The following DHRSX variants were observed in gnomAD, a reference collection of about 807,000 sequenced individuals.
DHRSX encodes the protein polyprenol dehydrogenase.
Under a neutral mutation model 34.0 loss-of-function variants are expected in DHRSX, and 31 were observed. The observed-to-expected ratio is 0.91, with a 90% CI of 0.69 to 1.23. The LOEUF is 1.23. Ranked by LOEUF, DHRSX falls within the 50% of genes most tolerant of loss-of-function variation. DHRSX has a pLI of 0.00. For missense variants in DHRSX, 414 were observed against 428.1 expected (o/e 0.97, Z 0.29); for synonymous variants, 201 against 183.8 (o/e 1.09, Z -0.76).
intron 6 of DHRSX, among the ~76,000 whole-genome samples, chrX:2,240,063 T>C (rs186432441): frequency 1.0e-3 from 153 of 151,488 alleles, no homozygotes; most frequent in African/African-American, 3.5e-3. Context: ...AAGGCCGAGG[T>C]GGGCGGATCA....
intron 3 of DHRSX, among the ~76,000 whole-genome samples, chrX:2,304,160 G>T (rs1262348383): frequency 2.1e-5 from 3 of 145,840 alleles, no homozygotes; most frequent in East Asian, 4.2e-4. Context: ...TGGATGGATG[G>T]ATGGATGAAC....
At chrX:2,429,184 T>C (rs1231110112) in intron 1 of DHRSX, among the ~76,000 whole-genome samples, 2 of 152,134 alleles carry the variant, frequency 1.3e-5, no homozygotes, top group Non-Finnish European at 2.9e-5. Flanking sequence ...TTGCAAATAC[T>C]ATATGTAGTA....
rs1369777572 is a variant in DHRSX, at chrX:2,467,222, G to T, written c.109+33595C>A. ...ACGACGCCAACTTGAGTGTGAGAAGGATTCCTTTCTACGTAGAAGGTGCAT... is the reference window on the plus strand; with the variant it reads ...ACGACGCCAACTTGAGTGTGAGAAGTATTCCTTTCTACGTAGAAGGTGCAT... On this transcript the variant is annotated intron_variant, in intron 1 of 6. Transcript: ENST00000334651. 2.0e-5 allele frequency among the ~76,000 whole-genome samples: 3 copies of T among 152,074 alleles called. No homozygotes were observed. The East Asian group carries it at 5.8e-4, about 29-fold the overall frequency.
chrX:2,287,778 A>G (rs1454327555), intron 4 of DHRSX, among the ~76,000 whole-genome samples: 1 of 152,214 alleles, frequency 6.6e-6, no homozygotes, highest in Non-Finnish European at 1.5e-5. Flanking sequence ...AAACAGAATA[A>G]TGGCCCCAAA....
chrX:2,457,897 G>A lies in DHRSX; in HGVS notation c.110-32593C>T, dbSNP rs893343736. On this transcript the variant is annotated intron_variant, in intron 1 of 6. Coordinates refer to ENST00000334651, the MANE Select transcript of DHRSX (RefSeq NM_145177.3). ...TAAGAAAGCAGCCAAGAGACGGCAGGGAATATGTTCCGTAAGCATGTAGCC... is the reference window on the plus strand; with the variant it reads ...TAAGAAAGCAGCCAAGAGACGGCAGAGAATATGTTCCGTAAGCATGTAGCC... Among the ~76,000 whole-genome samples the A allele has an allele frequency of 1.7e-4, 26 of 150,022 alleles. 1 individual carries two copies. In the South Asian group the frequency reaches 3.8e-3, roughly 22 times the overall value.
intron 3 of DHRSX, among the ~76,000 whole-genome samples, chrX:2,389,909 G>A (rs766022574): frequency 6.6e-6 from 1 of 151,970 alleles, no homozygotes; most frequent in African/African-American, 2.4e-5. Flanking sequence ...GCCTCCCGAG[G>A]AGCTGGGATT....
chrX:2,249,813 C>T (rs1320061309), intron 5 of DHRSX, among the ~76,000 whole-genome samples: 3 of 151,636 alleles, frequency 2.0e-5, no homozygotes, highest in African/African-American at 7.3e-5. Flanking sequence ...CGTGAGCCAA[C>T]GCACCTGGCC....
At chrX:2,294,829 A>G (rs1464077380) in intron 3 of DHRSX, among the ~76,000 whole-genome samples, 3 of 151,920 alleles carry the variant, frequency 2.0e-5, no homozygotes, top group Non-Finnish European at 4.4e-5. Context: ...GGAGAGAGAG[A>G]GGGAGAAAGA....
chrX:2,489,106 C>T, intron 1 of DHRSX: 1 of 1,613,472 alleles, frequency 6.2e-7, no homozygotes, highest in Non-Finnish European at 8.5e-7. Flanking sequence ...TGGCGGGCGG[C>T]GGCGTGGATG....
At chrX:2,472,981 T>C (rs67491522) in intron 1 of DHRSX, among the ~76,000 whole-genome samples, 31,664 of 151,736 alleles carry the variant, frequency 0.21, 4,452 homozygotes, top group African/African-American at 0.4. Context: ...CCCCGAGACT[T>C]AATAAGGCAC....
At chrX:2,295,451 G>A (rs1285543443) in intron 3 of DHRSX, among the ~76,000 whole-genome samples, 3 of 152,184 alleles carry the variant, frequency 2.0e-5, no homozygotes, top group African/African-American at 7.2e-5. Context: ...GGAAGGGATA[G>A]CTTTAGGACA....
intron 6 of DHRSX, among the ~76,000 whole-genome samples, chrX:2,239,917 T>C (rs2016101542): frequency 6.6e-6 from 1 of 152,208 alleles, no homozygotes; most frequent in Non-Finnish European, 1.5e-5. Flanking sequence ...TAGTGCTTAA[T>C]AAAATAACTA....
intron 3 of DHRSX, among the ~76,000 whole-genome samples, chrX:2,346,303 A>G (rs1184280724): frequency 1.3e-5 from 2 of 152,122 alleles, no homozygotes; most frequent in Non-Finnish European, 2.9e-5. Flanking sequence ...CTTAGGAATG[A>G]CATCCATAAA....
In DHRSX at chrX:2,460,905, G is replaced by C. The variant is rs776886412; in HGVS notation, c.110-35601C>G. 6.6e-5 allele frequency among the ~76,000 whole-genome samples: 10 copies of C among 152,062 alleles called. No homozygotes were observed. The East Asian group carries it at 1.9e-3, about 29-fold the overall frequency. On this transcript the variant is annotated intron_variant, in intron 1 of 6. Transcript: ENST00000334651. ...GCCTATTTTTATTTTATTTTTGTAG[G>C]CACAGGATCTCGCTGTTTGCCCAGG...
At chrX:2,315,550 C>A (rs1450742847) in intron 3 of DHRSX, among the ~76,000 whole-genome samples, 1 of 152,150 alleles carries the variant, frequency 6.6e-6, no homozygotes, top group Non-Finnish European at 1.5e-5. Context: ...AGATGCCCAT[C>A]TGTCTGCAGA....
In DHRSX at chrX:2,220,907, G is replaced by T; in HGVS notation, c.*134C>A. The T allele has an allele frequency of 1.3e-6, 1 of 753,940 alleles. No homozygotes were observed. The highest frequency in any genetic ancestry group is 2.1e-6 in the Non-Finnish European group (1 of 474,474). 46.7% of individuals were successfully genotyped at this position (753,940 alleles called of 1,614,324 possible). A position where few individuals can be genotyped will look rare whatever the true frequency, so the allele number is the denominator to read the frequency against. ...AAGTTCTGCAGAGGTTGAGGCAGCT[G>T]TCTCAAAACTAGAGGACAGAGCCCT... On this transcript the variant is annotated 3_prime_UTR_variant, in exon 7 of 7. Coordinates refer to ENST00000334651, the MANE Select transcript of DHRSX (RefSeq NM_145177.3).
chrX:2,356,089 T>C (rs1336409586), intron 3 of DHRSX, among the ~76,000 whole-genome samples: 5 of 137,808 alleles, frequency 3.6e-5, no homozygotes, highest in Non-Finnish European at 7.9e-5. Context: ...AAAAATACAA[T>C]AATTAGCCGG....
Position 2,255,562 on chromosome X carries a change from C to G in DHRSX, c.596+11178G>C, listed in dbSNP as rs1476875398. Among the ~76,000 whole-genome samples the G allele has an allele frequency of 4.6e-5, 7 of 152,172 alleles. No homozygotes were observed. The East Asian group carries it at 1.3e-3, about 29-fold the overall frequency. On this transcript the variant is annotated intron_variant, in intron 5 of 6. Coordinates refer to ENST00000334651, the MANE Select transcript of DHRSX (RefSeq NM_145177.3). ...CAGTGAGGCACGCCCATGCCTATAA[C>G]AACTCCATGACTGAGGGACGTCAGA...
chrX:2,488,280 G>A (rs185447406), intron 1 of DHRSX: 35 of 238,822 alleles, frequency 1.5e-4, no homozygotes, highest in African/African-American at 7.4e-4. Flanking sequence ...AGGTTCAAGC[G>A]ATTCTCTGGC....
Sources: allele counts gnomAD v4.1 joint callset (sites outside exome capture counted in the v4.1 genomes callset), GRCh38; gene constraint gnomAD v4.1.1; transcripts MANE v1.5; gene names NCBI Gene and HGNC (gene_info 2026-07-23, HGNC 2026-07-21).